The following FLII variants were observed in gnomAD, a reference collection of about 807,000 sequenced individuals.
The protein encoded by FLII is protein flightless-1 homolog.
Under a neutral mutation model 156.2 loss-of-function variants are expected in FLII, and 101 were observed. The ratio of observed to expected loss-of-function variants is 0.65; its 90% CI spans 0.55 to 0.76. FLII has a LOEUF of 0.76. FLII is among the 30% of genes least tolerant of loss of function. The probability of loss-of-function intolerance (pLI) is 0.00; values close to 1 mark genes in which losing one functional copy is unlikely to be tolerated. For synonymous variants in FLII, 767 were observed against 685.8 expected, an observed-to-expected ratio of 1.12 and a Z score of -1.85; for missense variants, 1,675 against 1,682.8, an observed-to-expected ratio of 1.00 and a Z score of 0.08.
intron 20 of FLII, 32 bp downstream of exon 20, chr17:18,247,625 C>T (rs1420358649): frequency 4.5e-6 from 7 of 1,538,758 alleles, no homozygotes; most frequent in Middle Eastern, 2.2e-4. Context: ...GCGAAGGATC[C>T]TGGGGAGGGG....
chr17:18,247,828 C>G lies in FLII; in HGVS notation c.2316G>C (p.Thr772=). 6.2e-7 allele frequency: 1 copy of G among 1,613,704 alleles called. No individual in the cohort carries two copies. Among genetic ancestry groups the G allele is most frequent in the Non-Finnish European group, 8.5e-7 (1 of 1,180,014 alleles). The change falls in exon 20 of 30, where the codon ACG becomes ACC. Residue 772 remains threonine (T), a synonymous_variant. Transcript: ENST00000327031. ...AACAGTCCAGAATGTACACGCAGCG[C>G]GTGTCCAGCAGACTCTGCAGCTGCG... The part of the protein sequence containing the change: ...RMRLLQSLLD[T]RCVYILDCWS...
At chr17:18,249,448 C>T (rs769460598) in intron 14 of FLII, 40 bp from the exon 15 acceptor site, 16 of 1,535,074 alleles carry the variant, frequency 1.0e-5, no homozygotes, top group Non-Finnish European at 1.4e-5. Flanking sequence ...ACTGAGCTGC[C>T]CCCTCCCCCA....
At position 18,248,896 on chromosome 17, in the gene FLII, G is replaced by A. The variant is rs777361762; in HGVS notation, c.1935-13C>T. 5 of 1,610,316 alleles carry A rather than the reference G, an allele frequency of 3.1e-6. 1 individual carries two copies. In the South Asian group the frequency reaches 3.3e-5, roughly 11 times the overall value. ...CAGGAAAACAAACCTGGACAAGAAG[G>A]GGCAGGAAGGAGCTGTGATGGTGCA... On this transcript the variant is annotated splice_polypyrimidine_tract_variant and intron_variant, in intron 16 of 29. Transcript: ENST00000327031.
Position 18,251,780 on chromosome 17 carries a change from A to G in FLII, c.1283T>C (p.Met428Thr), listed in dbSNP as rs746771559. The G allele has an allele frequency of 6.2e-6, 10 of 1,613,734 alleles. No individual in the cohort carries two copies. Among genetic ancestry groups the G allele is most frequent in the Non-Finnish European group, 8.5e-6 (10 of 1,180,030 alleles). The change falls in exon 12 of 30, where the codon ATG (methionine) becomes ACG (threonine). Residue 428 changes from methionine to threonine, a missense_variant. Around this residue, in one of 2 missense-constraint regions of FLII, gnomAD observed 1,332 missense variants for 1,269.3 expected, o/e 1.05. Transcript: ENST00000327031. ...SGPKDPMARK[M>T]RLRRRKDSAQ... ...TGAATCCTTGCGCCTCCGCAGTCGCATCTTGCGAGCCATAGGGTCCTTGGG... is the reference window on the plus strand; with the variant it reads ...TGAATCCTTGCGCCTCCGCAGTCGCGTCTTGCGAGCCATAGGGTCCTTGGG...
intron 20 of FLII, 106 bp downstream of exon 20, chr17:18,247,551 G>A: frequency 2.6e-6 from 3 of 1,149,182 alleles, no homozygotes; most frequent in Non-Finnish European, 2.4e-6. Flanking sequence ...GCAAAGAGGA[G>A]GTGGGTTTGG....
rs2047991855 is a variant in FLII at position 18,245,272 on chromosome 17, C to T, written c.3676G>A (p.Val1226Ile). 4 of 1,612,830 alleles carry T rather than the reference C, an allele frequency of 2.5e-6. No homozygotes were observed. Among genetic ancestry groups the T allele is most frequent in the Non-Finnish European group, 3.4e-6 (4 of 1,178,960 alleles). ...TTGGACCGCATGTGCTGGATATATA[C>T]CTGGCAAGGGGACAGCGAGCCTTGG... is the stretch of plus-strand genomic sequence containing the variant. ...EIKLSLKACQ[V>I]YIQHMRSKEH... Residue 1226 changes from valine to isoleucine, a missense_variant and splice_region_variant, in exon 30 of 30, where the codon GTA becomes ATA. By Grantham distance (29) the Val-to-Ile change is conservative. Around this residue, in one of 2 missense-constraint regions of FLII, gnomAD observed 1,332 missense variants for 1,269.3 expected, o/e 1.05. Transcript: ENST00000327031.
rs377091904 is a variant in FLII at position 18,254,807 on chromosome 17, G to A, written c.375C>T (p.Asn125=). ...QLTECPRELE[N]AKNMLVLNLS... is the part of the protein sequence containing the mutation. ...GGTTCAGCACCAGCATGTTCTTGGCGTTCTCCAGCTCCCGCGGGCACTCTG... is the reference window on the plus strand; with the variant it reads ...GGTTCAGCACCAGCATGTTCTTGGCATTCTCCAGCTCCCGCGGGCACTCTG... Residue 125 remains asparagine (N), a synonymous_variant, in exon 5 of 30, where the codon AAC becomes AAT. Transcript: ENST00000327031. The A allele has an allele frequency of 3.1e-5, 50 of 1,614,006 alleles. No individual in the cohort carries two copies. The highest frequency in any genetic ancestry group is 2.5e-4 in the African/African-American group (19 of 74,906).
rs1181810270 is a variant in FLII, at chr17:18,252,016, A to G, written c.1229T>C (p.Val410Ala). The change falls in exon 11 of 30, where the codon GTG (valine) becomes GCG (alanine). Residue 410 changes from valine (V) to alanine (A), a missense_variant. Val to Ala is a moderately conservative substitution (Grantham distance 64, BLOSUM62 0). This residue lies in a region of FLII where 1,332 missense variants were observed against 1,269.3 expected (regional missense o/e 1.05). Coordinates refer to ENST00000327031, the MANE Select transcript of FLII (RefSeq NM_002018.4). ...LRLAGASPAT[V>A]AAAAAAGSGP... is the part of the protein sequence containing the mutation. ...CCACTCACCAGCTGCAGCTGCAGCC[A>G]CGGTAGCAGGAGAGGCACCCGCTAG... 6.2e-7 allele frequency: 1 copy of G among 1,612,972 alleles called. No homozygotes were observed. The highest frequency in any genetic ancestry group is 1.1e-5 in the South Asian group (1 of 91,080).
chr17:18,255,051 G>T, intron 4 of FLII, 132 bp downstream of exon 4: 1 of 922,778 alleles, frequency 1.1e-6, no homozygotes, highest in Non-Finnish European at 1.8e-6. Context: ...CCTCAGGCAA[G>T]GTATTATCCA....
In FLII at chr17:18,256,613, G is replaced by C; in HGVS notation, c.175-16C>G. The C allele has an allele frequency of 1.9e-6, 3 of 1,550,692 alleles. No homozygotes were observed. The highest frequency in any genetic ancestry group is 2.6e-6 in the Non-Finnish European group (3 of 1,146,296). On this transcript the variant is annotated splice_polypyrimidine_tract_variant and intron_variant, in intron 2 of 29. Transcript: ENST00000327031. Reference sequence around the variant, plus strand: ...ACAAGTGTTCCTGGGCCGGAATGGGGAGCACAGGCTCAGCAGGGTGGGTGG... The same window carrying C: ...ACAAGTGTTCCTGGGCCGGAATGGGCAGCACAGGCTCAGCAGGGTGGGTGG...
In FLII at chr17:18,251,751, G is replaced by A; in HGVS notation, c.1312C>T (p.Gln438Ter). ...MRLRRRKDSA[Q>*]DDQAKQVLKG... ...AGCACCTGCTTGGCCTGGTCATCCT[G>A]GGCTGAATCCTTGCGCCTCCGCAGT... is the stretch of plus-strand genomic sequence containing the variant. The change falls in exon 12 of 30, where the codon CAG (glutamine) becomes TAG (stop). Residue 438 changes from glutamine (Q) to a stop codon, truncating the protein, a stop_gained. Transcript: ENST00000327031. LOFTEE classifies it high-confidence loss of function. 6.2e-7 allele frequency: 1 copy of A among 1,613,998 alleles called. No homozygotes were observed. The highest frequency in any genetic ancestry group is 8.5e-7 in the Non-Finnish European group (1 of 1,180,028).
Position 18,247,868 on chromosome 17 carries a change from A to G in FLII, c.2296-20T>C. 2 of 1,613,852 alleles carry G rather than the reference A, an allele frequency of 1.2e-6. No individual in the cohort carries two copies. The highest frequency in any genetic ancestry group is 1.7e-4 in the Middle Eastern group (1 of 6,054). On this transcript the variant is annotated intron_variant, in intron 19 of 29. Coordinates refer to ENST00000327031, the MANE Select transcript of FLII (RefSeq NM_002018.4). ...CTGCAGCTGCGGACCGGGAGTCTGG[A>G]GGTCAAAGCCCAGCCAACGGGGAGG...
chr17:18,251,558 C>T (rs970354629), intron 12 of FLII, 81 bp from the exon 13 acceptor site: 68 of 1,565,874 alleles, frequency 4.3e-5, no homozygotes, highest in Non-Finnish European at 5.6e-5. Flanking sequence ...CACCTCAGGG[C>T]CTTTGCACAG....
Position 18,248,736 on chromosome 17 carries a change from C to A in FLII, c.2019-15G>T. 1 of 1,613,974 alleles carries A rather than the reference C, an allele frequency of 6.2e-7. No individual in the cohort carries two copies. Among genetic ancestry groups the A allele is most frequent in the East Asian group, 2.2e-5 (1 of 44,866 alleles). On this transcript the variant is annotated splice_polypyrimidine_tract_variant and intron_variant, in intron 17 of 29. Transcript: ENST00000327031. ...CTGCAAAGAGCCTGAGAGCAGGATG[C>A]AAAGTCATCAGCGAGGCTCACACCC...
chr17:18,249,539 C>G (rs1425644970), intron 14 of FLII, 131 bp from the exon 15 acceptor site: 15 of 702,168 alleles, frequency 2.1e-5, no homozygotes, highest in Non-Finnish European at 3.8e-5. Flanking sequence ...CCTGTAATCC[C>G]AGCACTTCAG....
intron 10 of FLII, 42 bp from the exon 11 acceptor site, chr17:18,252,188 C>A: frequency 6.4e-7 from 1 of 1,561,020 alleles, no homozygotes; most frequent in Non-Finnish European, 8.8e-7. Context: ...AGCCTGGGTC[C>A]TACCTCCCAG....
chr17:18,250,839 T>C lies in FLII; in HGVS notation c.1775A>G (p.Gln592Arg). ...EMGDESEEFLQVFDNDISYIE... is the reference protein window; with the variant it reads ...EMGDESEEFLRVFDNDISYIE... ...CCCCCAATTTTAACGGGCTGGCACC[T>C]GCAGGAACTCCTCGCTCTCATCGCC... is the stretch of plus-strand genomic sequence containing the variant. Residue 592 changes from glutamine to arginine, a missense_variant and splice_region_variant, in exon 14 of 30, where the codon CAG (glutamine) becomes CGG (arginine). Gln to Arg is a conservative substitution (Grantham distance 43, BLOSUM62 1). Transcript: ENST00000327031. The C allele has an allele frequency of 6.2e-7, 1 of 1,608,940 alleles. No homozygotes were observed. Among genetic ancestry groups the C allele is most frequent in the Non-Finnish European group, 8.5e-7 (1 of 1,176,166 alleles).
upstream of FLII, chr17:18,258,815 G>A: frequency 1.1e-5 from 6 of 527,396 alleles, no homozygotes; most frequent in East Asian, 4.8e-5. The surrounding 1 kb of genome is among the most constrained non-coding windows in gnomAD (Gnocchi z 4.2). Context: ...GCCGCATTCC[G>A]CGGGGAAGTG....
Position 18,253,421 on chromosome 17 carries a change from T to TAC in FLII, c.891_892dup (p.Tyr298CysfsTer3). 6.2e-7 allele frequency: 1 copy of TAC among 1,613,870 alleles called. No individual in the cohort carries two copies. Among genetic ancestry groups the TAC allele is most frequent in the East Asian group, 2.2e-5 (1 of 44,874 alleles). ...AAAGTCCAGCTTGTTGGAATTCAGG[T>TAC]ACAGCTTCTTCAGCTTGCTCAGCTT... On this transcript the variant is annotated frameshift_variant, in exon 9 of 30. Transcript: ENST00000327031. LOFTEE classifies it high-confidence loss of function.
Sources: allele counts gnomAD v4.1 joint callset, GRCh38; gene constraint gnomAD v4.1.1; regional missense constraint gnomAD v4.1.1; non-coding constraint Gnocchi (gnomAD v3.1); transcripts MANE v1.5; gene names NCBI Gene and HGNC (gene_info 2026-07-23, HGNC 2026-07-21).